The following SYNE1 variants were observed in gnomAD, a reference collection of about 807,000 sequenced individuals.
The protein encoded by SYNE1 is spectrin repeat containing nuclear envelope protein 1.
In SYNE1, 616 loss-of-function variants were observed where a neutral mutation model predicts 1,111.0. That is an observed-to-expected ratio of 0.55 (90% CI 0.52 to 0.59). SYNE1 has a LOEUF of 0.59. Ranked by LOEUF, SYNE1 falls within the 20% of genes least tolerant of loss-of-function variation. The probability of loss-of-function intolerance (pLI) is 0.00; values close to 1 mark genes in which losing one functional copy is unlikely to be tolerated. For missense variants in SYNE1, 10,006 were observed against 10,417.0 expected, an observed-to-expected ratio of 0.96 and a Z score of 1.72; for synonymous variants, 3,855 against 3,825.8, an observed-to-expected ratio of 1.01 and a Z score of -0.28.
At chr6:152,403,718 T>A (rs1370796492) in intron 46 of SYNE1, among the ~76,000 whole-genome samples, 1 of 151,982 alleles carries the variant, frequency 6.6e-6, no homozygotes, top group East Asian at 1.9e-4. Flanking sequence ...TGAGACCCTG[T>A]CTCAATAAAC....
Position 152,407,050 on chromosome 6 carries a change from G to A in SYNE1, c.6687C>T (p.Asn2229=). Reference sequence around the variant, plus strand: ...TAAGCAGTTCTTCAGCTCTGAGGTGGTTATCCAGGTTGCTGATGTTTTCTG... The same window carrying A: ...TAAGCAGTTCTTCAGCTCTGAGGTGATTATCCAGGTTGCTGATGTTTTCTG... ...QMAENISNLD[N]HLRAEELLKE... Residue 2229 remains asparagine (N), a synonymous_variant, in exon 45 of 146, where the codon AAC becomes AAT. Transcript: ENST00000367255. The A allele has an allele frequency of 1.9e-6, 3 of 1,613,778 alleles. No homozygotes were observed. Among genetic ancestry groups the A allele is most frequent in the Non-Finnish European group, 1.7e-6 (2 of 1,179,968 alleles).
intron 33 of SYNE1, chr6:152,435,449 G>C (rs1413238799): frequency 1.3e-5 from 2 of 152,648 alleles, no homozygotes; most frequent in Non-Finnish European, 1.5e-5. Context: ...TTTCTGGAAA[G>C]AGCATATTAG....
At chr6:152,350,404 C>T in intron 71 of SYNE1, 69 bp from the exon 72 acceptor site, 1 of 1,607,816 alleles carries the variant, frequency 6.2e-7, no homozygotes, top group South Asian at 1.1e-5. Flanking sequence ...TTTTGTATTA[C>T]AAAAACCCAG....
rs1448311205 is a variant in SYNE1, at chr6:152,234,693, A to T, written c.20504T>A (p.Val6835Asp). 6.2e-7 allele frequency: 1 copy of T among 1,614,204 alleles called. No individual in the cohort carries two copies. The highest frequency in any genetic ancestry group is 1.1e-5 in the South Asian group (1 of 91,084). ...SVTVPQELEM[V>D]RDHLNAFLEF... ...CAGGAAAGCATTTAGATGATCACGG[A>T]CCATTTCCAGCTCTTGTGGGACTGT... The change falls in exon 111 of 146, where the codon GTC (valine) becomes GAC (aspartate). Residue 6835 changes from valine to aspartate, a missense_variant. Val to Asp is a radical substitution (Grantham distance 152). Transcript: ENST00000367255.
intron 14 of SYNE1, among the ~76,000 whole-genome samples, chr6:152,476,728 G>C (rs1289754593): frequency 6.6e-6 from 1 of 152,006 alleles, no homozygotes; most frequent in African/African-American, 2.4e-5. Flanking sequence ...AATTAGTCAG[G>C]TGTGGTGGCC....
chr6:152,620,404 C>T (rs902360412), intron 3 of SYNE1, among the ~76,000 whole-genome samples: 6 of 152,272 alleles, frequency 3.9e-5, no homozygotes, highest in Admixed American at 1.3e-4. Context: ...ATGTTTTCTC[C>T]TGCTGTGTCT....
chr6:152,321,836 T>G lies in SYNE1; in HGVS notation c.15968A>C (p.Lys5323Thr). ...CTGAGTCTCCACCATTTCTCGGTCC[T>G]TCAGCTCTTGCTTCACCAACTTTCC... Reference protein sequence around the residue: ...TNGKLVKQELKDREMVETQIN... With the variant: ...TNGKLVKQELTDREMVETQIN... The change falls in exon 83 of 146, where the codon AAG becomes ACG. Residue 5323 changes from lysine (K) to threonine (T), a missense_variant. Physicochemically the swap from Lys to Thr is moderately conservative, Grantham distance 78 (BLOSUM62 -1). Coordinates refer to ENST00000367255, the MANE Select transcript of SYNE1 (RefSeq NM_182961.4). 1.2e-6 allele frequency: 2 copies of G among 1,614,082 alleles called. No individual in the cohort carries two copies. Among genetic ancestry groups the G allele is most frequent in the Non-Finnish European group, 8.5e-7 (1 of 1,179,988 alleles).
chr6:152,186,819 G>A (rs2070248418), intron 128 of SYNE1, among the ~76,000 whole-genome samples: 1 of 150,560 alleles, frequency 6.6e-6, no homozygotes, highest in Non-Finnish European at 1.5e-5. Context: ...AGCAGGTAGT[G>A]CTAGACTTCT....
At chr6:152,414,784 T>C (rs1380830015) in intron 41 of SYNE1, among the ~76,000 whole-genome samples, 1 of 152,162 alleles carries the variant, frequency 6.6e-6, no homozygotes, top group Non-Finnish European at 1.5e-5. Context: ...AAGAAGGCCA[T>C]GACACCCTGC....
At chr6:152,278,020 C>G in intron 98 of SYNE1, 69 bp downstream of exon 98, 1 of 1,574,242 alleles carries the variant, frequency 6.4e-7, no homozygotes, top group East Asian at 2.2e-5. Flanking sequence ...CTTTACCTGG[C>G]AAACCTTAGA....
intron 9 of SYNE1, among the ~76,000 whole-genome samples, chr6:152,504,400 T>C (rs973731824): frequency 1.6e-4 from 24 of 152,182 alleles, no homozygotes; most frequent in Middle Eastern, 3.2e-3. Flanking sequence ...AAGTTCAGTC[T>C]GAAATTCCAT....
intron 3 of SYNE1, among the ~76,000 whole-genome samples, chr6:152,579,931 C>T (rs951460899): frequency 2.0e-5 from 3 of 151,990 alleles, no homozygotes; most frequent in African/African-American, 7.2e-5. Context: ...ATCGATGGGC[C>T]GATTCCATGT....
intron 23 of SYNE1, 24 bp downstream of exon 23, chr6:152,455,862 T>G: frequency 6.2e-7 from 1 of 1,613,902 alleles, no homozygotes; most frequent in Non-Finnish European, 8.5e-7. Context: ...GGCTCACAGC[T>G]CTAAAGCAGG....
chr6:152,463,710 T>A (rs1307632803), intron 18 of SYNE1, among the ~76,000 whole-genome samples, 193 bp from the exon 19 acceptor site: 1 of 152,212 alleles, frequency 6.6e-6, no homozygotes, highest in Non-Finnish European at 1.5e-5. Flanking sequence ...TGTCTTTTTT[T>A]ATAAGAACAA....
At chr6:152,182,382 T>G (rs1179752237) in intron 128 of SYNE1, among the ~76,000 whole-genome samples, 1 of 152,228 alleles carries the variant, frequency 6.6e-6, no homozygotes, top group East Asian at 1.9e-4. Context: ...TTCATTCCAC[T>G]GCATTAAACA....
chr6:152,504,728 C>A (rs2099048518), intron 9 of SYNE1, among the ~76,000 whole-genome samples: 1 of 152,156 alleles, frequency 6.6e-6, no homozygotes, highest in Non-Finnish European at 1.5e-5. Flanking sequence ...AGCACTCACG[C>A]CCTTACCAAA....
intron 95 of SYNE1, among the ~76,000 whole-genome samples, chr6:152,291,149 A>T (rs1356427266): frequency 8.1e-6 from 1 of 123,178 alleles, no homozygotes; most frequent in African/African-American, 3.1e-5. Context: ...AATATATGCA[A>T]TTATATTAAT....
At chr6:152,431,919 T>C (rs1170056429) in intron 34 of SYNE1, among the ~76,000 whole-genome samples, 1 of 152,180 alleles carries the variant, frequency 6.6e-6, no homozygotes, top group Admixed American at 6.5e-5. Context: ...AAATTAATCA[T>C]AAATTCAAAA....
At chr6:152,522,048 T>C (rs1436959312) in intron 5 of SYNE1, among the ~76,000 whole-genome samples, 2 of 151,788 alleles carry the variant, frequency 1.3e-5, no homozygotes, top group Non-Finnish European at 2.9e-5. Flanking sequence ...TTTACCTTTT[T>C]CTGCTAGAAT....
Sources: gnomAD v4.1 joint callset for allele counts (sites outside exome capture counted in the v4.1 genomes callset) on GRCh38, gnomAD v4.1.1 for gene constraint, MANE v1.5 for transcripts, NCBI Gene and HGNC (gene_info 2026-07-23, HGNC 2026-07-21) for gene names.